LEKR1: variants seen among roughly 807,000 people sequenced by gnomAD.
LEKR1 encodes the protein leucine, glutamate and lysine rich 1, also known as protein LEKR1.
LEKR1 carries 59 observed loss-of-function variants against 72.4 expected under a neutral mutation model. The ratio of observed to expected loss-of-function variants is 0.82; its 90% CI spans 0.66 to 1.01. The LOEUF (loss-of-function observed/expected upper bound fraction) is 1.01, where lower values mean the gene tolerates loss of function less well. LEKR1 is among the 50% of genes least tolerant of loss of function. The pLI, the probability that LEKR1 is intolerant of heterozygous loss-of-function variation, is 0.00. For synonymous variants in LEKR1, 257 were observed against 263.2 expected, an observed-to-expected ratio of 0.98 and a Z score of 0.23; for missense variants, 728 against 759.2, an observed-to-expected ratio of 0.96 and a Z score of 0.48.
At chr3:156,929,689 A>G (rs116109111) in intron 5 of LEKR1, among the ~76,000 whole-genome samples, 11 of 152,260 alleles carry the variant, frequency 7.2e-5, no homozygotes, top group African/African-American at 2.6e-4. Flanking sequence ...TCCCTTTCAG[A>G]AAACTTATGT....
intron 7 of LEKR1, among the ~76,000 whole-genome samples, chr3:156,990,089 T>C (rs1043118788): frequency 6.6e-6 from 1 of 152,216 alleles, no homozygotes; most frequent in African/African-American, 2.4e-5. Flanking sequence ...TCCTTTAATC[T>C]AGAATATTTC....
intron 9 of LEKR1, among the ~76,000 whole-genome samples, 194 bp from the exon 10 acceptor site, chr3:157,011,219 A>C (rs1274161374): frequency 1.3e-5 from 2 of 152,134 alleles, no homozygotes; most frequent in East Asian, 3.9e-4. Context: ...TGGGAAAAAT[A>C]CCATAATACA....
chr3:157,017,325 A>G (rs1733424980), intron 10 of LEKR1: 1 of 152,226 alleles, frequency 6.6e-6, no homozygotes, highest in Admixed American at 6.5e-5. Flanking sequence ...TATGTTGCCT[A>G]TAAGAAATGT....
intron 3 of LEKR1, among the ~76,000 whole-genome samples, chr3:156,883,619 C>T (rs1346388733): frequency 6.6e-6 from 1 of 152,104 alleles, no homozygotes; most frequent in Non-Finnish European, 1.5e-5. Context: ...CCATACTGTT[C>T]TCATGGTAGT....
At chr3:157,005,404 A>G (rs1165793680) in intron 9 of LEKR1, among the ~76,000 whole-genome samples, 1 of 152,132 alleles carries the variant, frequency 6.6e-6, no homozygotes, top group Non-Finnish European at 1.5e-5. Context: ...ATTTATACTC[A>G]AACTCTTCCT....
rs1487746777 is a variant in LEKR1, at chr3:157,045,748, T to C, written c.2077T>C (p.Ter693ArgextTer25). ...AILRRRRSQQ* is the reference protein window; with the variant it reads ...AILRRRRSQQR ...TCTTAGGAGAAGGCGGAGTCAGCAA[T>C]GATCCAAAATGAGGAGCAGGAAGCT... Residue 693 changes from the stop codon to arginine (R), a stop_lost, in exon 13 of 13, where the codon TGA becomes CGA. Transcript: ENST00000356539. The C allele has an allele frequency of 3.1e-6, 5 of 1,605,848 alleles. No homozygotes were observed. Among genetic ancestry groups the C allele is most frequent in the Non-Finnish European group, 4.2e-6 (5 of 1,179,630 alleles).
rs942394547 is a variant in LEKR1 at position 156,920,645 on chromosome 3, C to T, written c.334C>T (p.His112Tyr). 2.1e-6 allele frequency: 3 copies of T among 1,449,150 alleles called. No individual in the cohort carries two copies. Among genetic ancestry groups the T allele is most frequent in the African/African-American group, 2.8e-5 (2 of 70,666 alleles). The allele number at this position is 1,449,150 out of a possible 1,614,324, so 89.8% of individuals were successfully genotyped here. The stretch of plus-strand genomic sequence containing the variant: ...TCAGAAAGTAAAGAAACAACTGAGT[C>T]ATTTGCAAGATGAGCTAAAAATTAA... ...EFQKVKKQLS[H>Y]LQDELKIKYR... Residue 112 changes from histidine (H) to tyrosine (Y), a missense_variant, in exon 4 of 13, where the codon CAT (histidine) becomes TAT (tyrosine). Coordinates refer to ENST00000356539, the MANE Select transcript of LEKR1 (RefSeq NM_001004316.3).
intron 7 of LEKR1, among the ~76,000 whole-genome samples, chr3:156,984,663 C>T (rs1206458225): frequency 6.6e-6 from 1 of 151,884 alleles, no homozygotes; most frequent in Non-Finnish European, 1.5e-5. Flanking sequence ...GGTGACAGAG[C>T]GAGACTCGGT....
intron 10 of LEKR1, among the ~76,000 whole-genome samples, chr3:157,014,051 C>T (rs557967978): frequency 3.9e-4 from 60 of 152,032 alleles, no homozygotes; most frequent in African/African-American, 1.4e-3. Context: ...TCAAGTATTA[C>T]TACTTGAAGA....
intron 9 of LEKR1, among the ~76,000 whole-genome samples, chr3:156,996,590 G>A (rs1446518405): frequency 6.6e-6 from 1 of 152,210 alleles, no homozygotes; most frequent in African/African-American, 2.4e-5. Flanking sequence ...GGCAATGGGA[G>A]CAAGTCAGGA....
chr3:157,041,627 A>C (rs1477877224), intron 12 of LEKR1, among the ~76,000 whole-genome samples: 2 of 151,188 alleles, frequency 1.3e-5, no homozygotes, highest in African/African-American at 4.9e-5. Context: ...TGCCTTGAAA[A>C]CCTCATTGCC....
chr3:156,967,952 G>T (rs1278249185), intron 6 of LEKR1, among the ~76,000 whole-genome samples: 1 of 152,226 alleles, frequency 6.6e-6, no homozygotes, highest in African/African-American at 2.4e-5. Flanking sequence ...CAAGCCAGAA[G>T]AGAGGCGGGG....
intron 11 of LEKR1, among the ~76,000 whole-genome samples, chr3:157,027,154 C>T (rs962260361): frequency 5.9e-5 from 9 of 151,714 alleles, no homozygotes; most frequent in Non-Finnish European, 1.2e-4. Context: ...AGAGTATTTA[C>T]ACCATGGAAA....
At chr3:156,927,407 AT>A (rs200029200) in intron 4 of LEKR1, 21 bp from the exon 5 acceptor site, 64,255 of 761,040 alleles carry the variant, frequency 0.084, 113 homozygotes, top group Middle Eastern at 0.091. Context: ...TTAAAATCCT[AT>A]TTTTTTTTTT....
intron 3 of LEKR1, among the ~76,000 whole-genome samples, chr3:156,870,060 C>G (rs1717748978): frequency 2.0e-5 from 3 of 152,038 alleles, no homozygotes; most frequent in Non-Finnish European, 4.4e-5. Context: ...TTCTCTTGGT[C>G]TATGTGTCTG....
intron 9 of LEKR1, among the ~76,000 whole-genome samples, chr3:156,996,050 T>C (rs1163623706): frequency 6.6e-6 from 1 of 152,062 alleles, no homozygotes; most frequent in Non-Finnish European, 1.5e-5. Flanking sequence ...TCACTTTGGG[T>C]AATTCAGCCA....
chr3:156,925,710 C>T (rs1462808350), intron 4 of LEKR1, among the ~76,000 whole-genome samples: 1 of 151,950 alleles, frequency 6.6e-6, no homozygotes, highest in Non-Finnish European at 1.5e-5. Context: ...TAAAAATTCT[C>T]TTTCTACTCA....
At chr3:156,899,881 C>G (rs2108562815) in intron 3 of LEKR1, among the ~76,000 whole-genome samples, 1 of 151,374 alleles carries the variant, frequency 6.6e-6, no homozygotes, top group South Asian at 2.1e-4. Flanking sequence ...TTTAGGTGTG[C>G]AAATAAAAAT....
intron 6 of LEKR1, among the ~76,000 whole-genome samples, chr3:156,970,333 A>C (rs1431875319): frequency 6.6e-6 from 1 of 152,122 alleles, no homozygotes; most frequent in Non-Finnish European, 1.5e-5. Context: ...CTTTAGTTTA[A>C]TTAGATCCCA....
Sources: allele counts gnomAD v4.1 joint callset (sites outside exome capture counted in the v4.1 genomes callset), GRCh38; gene constraint gnomAD v4.1.1; transcripts MANE v1.5; gene names NCBI Gene and HGNC (gene_info 2026-07-23, HGNC 2026-07-21).